The following SLC2A13 variants were observed in gnomAD, a reference collection of about 807,000 sequenced individuals.
SLC2A13 encodes solute carrier family 2 member 13, also known as proton myo-inositol cotransporter.
Under a neutral mutation model 64.4 loss-of-function variants are expected in SLC2A13, and 32 were observed. The ratio of observed to expected loss-of-function variants is 0.50; its 90% CI spans 0.37 to 0.67. The LOEUF is 0.67. Among genes scored for constraint, SLC2A13 ranks in the 30% least tolerant of loss-of-function variants. The pLI is 0.00. For synonymous variants in SLC2A13, 338 were observed against 327.1 expected (o/e 1.03, Z -0.36); for missense variants, 743 against 829.2 (o/e 0.90, Z 1.28).
intron 7 of SLC2A13, among the ~76,000 whole-genome samples, chr12:39,817,592 G>C (rs1378181442): frequency 6.6e-6 from 1 of 152,136 alleles, no homozygotes; most frequent in Non-Finnish European, 1.5e-5. Context: ...GTGAAACAAA[G>C]ATACAGAATG....
intron 3 of SLC2A13, among the ~76,000 whole-genome samples, chr12:39,978,637 C>T (rs983697994): frequency 5.3e-5 from 8 of 152,096 alleles, no homozygotes; most frequent in East Asian, 1.9e-4. Context: ...CGGCGCACCA[C>T]GCGACAATAT....
chr12:39,903,843 A>AG (rs1478853778), intron 4 of SLC2A13, among the ~76,000 whole-genome samples: 1 of 152,140 alleles, frequency 6.6e-6, no homozygotes, highest in African/African-American at 2.4e-5. Flanking sequence ...TAGGAAAAGA[A>AG]GGAAGATTGA....
At chr12:39,928,163 T>C (rs1468387920) in intron 4 of SLC2A13, among the ~76,000 whole-genome samples, 2 of 152,132 alleles carry the variant, frequency 1.3e-5, no homozygotes, top group African/African-American at 4.8e-5. Context: ...TGTACTTCAA[T>C]AGTCAAAAAA....
rs561584950 is a variant in SLC2A13, at chr12:40,103,031, T to C, written c.556+2222A>G. On this transcript the variant is annotated intron_variant, in intron 1 of 9. Transcript: ENST00000280871. Reference sequence around the variant, plus strand: ...CTCAGGGCTTCTATTCTGAGAGGTATGTTTCTGGAAGTGAGATGGGCCACA... The same window carrying C: ...CTCAGGGCTTCTATTCTGAGAGGTACGTTTCTGGAAGTGAGATGGGCCACA... Among the ~76,000 whole-genome samples the C allele has an allele frequency of 2.6e-5, 4 of 152,324 alleles. No individual in the cohort carries two copies. The South Asian group carries it at 6.2e-4, about 24-fold the overall frequency.
intron 3 of SLC2A13, among the ~76,000 whole-genome samples, chr12:40,022,835 CAAA>C (rs761069410): frequency 8.8e-6 from 1 of 113,580 alleles, no homozygotes; most frequent in Non-Finnish European, 1.9e-5. Flanking sequence ...AAGACTGTCT[CAAA>C]AAAAAAAAAA....
At chr12:39,986,737 C>G (rs1162812515) in intron 3 of SLC2A13, among the ~76,000 whole-genome samples, 1 of 150,422 alleles carries the variant, frequency 6.6e-6, no homozygotes, top group Admixed American at 6.6e-5. Context: ...GGACAGAAAT[C>G]AGTCTGTAGA....
intron 4 of SLC2A13, among the ~76,000 whole-genome samples, chr12:39,931,848 G>C (rs1371524633): frequency 6.6e-6 from 1 of 151,976 alleles, no homozygotes; most frequent in East Asian, 1.9e-4. Context: ...TCCAAATTTA[G>C]TTGTTTTGAT....
chr12:39,817,728 G>T (rs1483764443), intron 7 of SLC2A13, among the ~76,000 whole-genome samples: 3 of 152,204 alleles, frequency 2.0e-5, no homozygotes, highest in East Asian at 3.9e-4. Flanking sequence ...TATAGCCAAC[G>T]TATGCAGATG....
At chr12:40,066,993 G>C (rs567367806) in intron 1 of SLC2A13, among the ~76,000 whole-genome samples, 5 of 152,124 alleles carry the variant, frequency 3.3e-5, no homozygotes, top group African/African-American at 1.2e-4. Context: ...GTGGCATATA[G>C]ACAGAACATG....
rs145469462 is a variant in SLC2A13 at position 39,893,211 on chromosome 12, G to A, written c.1035-21250C>T. 3.3e-3 allele frequency among the ~76,000 whole-genome samples: 500 copies of A among 152,270 alleles called. 3 individuals carry two copies. Among genetic ancestry groups the A allele is most frequent in the African/African-American group, 0.011 (468 of 41,554 alleles). On this transcript the variant is annotated intron_variant, in intron 4 of 9. Transcript: ENST00000280871. Reference sequence around the variant, plus strand: ...GGCCAATTTTCTAGAAAAATGCTTAGCAACATTCTAAATGAATACTTGGGA... The same window carrying A: ...GGCCAATTTTCTAGAAAAATGCTTAACAACATTCTAAATGAATACTTGGGA...
At chr12:39,992,113 G>A (rs549652876) in intron 3 of SLC2A13, among the ~76,000 whole-genome samples, 23 of 152,262 alleles carry the variant, frequency 1.5e-4, no homozygotes, top group Admixed American at 9.2e-4. Context: ...CTTGCTCAGC[G>A]ATGCCTGATG....
rs140557088 is a variant in SLC2A13 at position 39,812,401 on chromosome 12, T to TCTTC, written c.1445+17698_1445+17701dup. 1.3e-4 allele frequency among the ~76,000 whole-genome samples: 19 copies of TCTTC among 143,252 alleles called. 1 individual carries two copies. Among genetic ancestry groups the TCTTC allele is most frequent in the East Asian group, 4.0e-4 (2 of 5,034 alleles). 94.0% of individuals were successfully genotyped at this position (143,252 alleles called of 152,430 possible). A position where few individuals can be genotyped will look rare whatever the true frequency, so the allele number is the denominator to read the frequency against. On this transcript the variant is annotated intron_variant, in intron 7 of 9. Transcript: ENST00000280871. ...TCTTTTCTTTCTTTCTCTCTCTCTT[T>TCTTC]CTTCCTTCCTTCCTTCCTTCCTGCC...
In SLC2A13 at chr12:39,886,465, C is replaced by A. The variant is rs565858198; in HGVS notation, c.1035-14504G>T. ...TGAAGTGTGATCTGAAGAAGAAATG[C>A]AATTATCTATCAGTCAGCATACATT... On this transcript the variant is annotated intron_variant, in intron 4 of 9. Transcript: ENST00000280871. Among the ~76,000 whole-genome samples the A allele has an allele frequency of 7.9e-5, 12 of 151,950 alleles. No homozygotes were observed. The South Asian group carries it at 2.5e-3, about 32-fold the overall frequency.
chr12:39,987,316 A>G (rs1220802715), intron 3 of SLC2A13, among the ~76,000 whole-genome samples: 2 of 152,238 alleles, frequency 1.3e-5, no homozygotes, highest in African/African-American at 4.8e-5. Context: ...TATAAAAATC[A>G]TGATACATCT....
chr12:40,052,199 C>T (rs950648275), intron 1 of SLC2A13, among the ~76,000 whole-genome samples: 1 of 152,058 alleles, frequency 6.6e-6, no homozygotes, highest in Non-Finnish European at 1.5e-5. Context: ...GTCAGAGGCA[C>T]TTTGTGAAAT....
At chr12:39,926,432 C>T (rs543471656) in intron 4 of SLC2A13, among the ~76,000 whole-genome samples, 3 of 152,184 alleles carry the variant, frequency 2.0e-5, no homozygotes, top group East Asian at 1.9e-4. Flanking sequence ...TTATATGGCT[C>T]TGACATTTAC....
At chr12:39,896,536 GTATGTA>G (rs1214412668) in intron 4 of SLC2A13, among the ~76,000 whole-genome samples, 5 of 146,154 alleles carry the variant, frequency 3.4e-5, no homozygotes, top group African/African-American at 1.3e-4. Flanking sequence ...ATACATGTAT[GTATGTA>G]TGTGTGTATA....
At chr12:39,961,063 G>C (rs150880225) in intron 3 of SLC2A13, among the ~76,000 whole-genome samples, 38 of 149,910 alleles carry the variant, frequency 2.5e-4, no homozygotes, top group African/African-American at 9.3e-4. Context: ...TGATTTTAAA[G>C]AGAATGTTTT....
At chr12:40,059,697 T>C (rs2136250221) in intron 1 of SLC2A13, among the ~76,000 whole-genome samples, 1 of 152,268 alleles carries the variant, frequency 6.6e-6, no homozygotes, top group South Asian at 2.1e-4. Context: ...GGAGACTTCA[T>C]TGAAAAGGCA....
Sources: gnomAD v4.1 joint callset for allele counts (sites outside exome capture counted in the v4.1 genomes callset) on GRCh38, gnomAD v4.1.1 for gene constraint, MANE v1.5 for transcripts, NCBI Gene and HGNC (gene_info 2026-07-23, HGNC 2026-07-21) for gene names.